Variants in CERS6 observed in about 807,000 individuals in gnomAD.
CERS6 encodes LAG1 homolog, ceramide synthase 6.
A neutral mutation model predicts 56.8 loss-of-function variants in CERS6; 26 were observed. The observed-to-expected ratio is 0.46, with a 90% CI of 0.34 to 0.63. The LOEUF is 0.63. Ranked by LOEUF, CERS6 falls within the 30% of genes least tolerant of loss-of-function variation. The pLI is 0.01. For synonymous variants in CERS6, 164 were observed against 173.3 expected (o/e 0.95, Z 0.42); for missense variants, 415 against 467.5 (o/e 0.89, Z 1.04).
intron 8 of CERS6, among the ~76,000 whole-genome samples, chr2:168,762,869 TC>T (rs908601114): frequency 6.8e-6 from 1 of 147,188 alleles, no homozygotes; most frequent in Non-Finnish European, 1.5e-5. Context: ...TTTTTCATTG[TC>T]CTTTTTCCTT....
intron 1 of CERS6, among the ~76,000 whole-genome samples, chr2:168,463,995 A>G (rs894181357): frequency 2.0e-5 from 3 of 152,222 alleles, no homozygotes; most frequent in African/African-American, 7.2e-5. Flanking sequence ...AACTTATTTC[A>G]GATATTAATA....
chr2:168,670,206 A>AT (rs1300253806), intron 4 of CERS6, among the ~76,000 whole-genome samples: 2 of 152,184 alleles, frequency 1.3e-5, no homozygotes, highest in Non-Finnish European at 1.5e-5. Context: ...AAATCACACT[A>AT]TTTTTTAAGC....
intron 6 of CERS6, among the ~76,000 whole-genome samples, chr2:168,703,612 C>G (rs1033472549): frequency 2.0e-5 from 3 of 152,052 alleles, no homozygotes; most frequent in Non-Finnish European, 4.4e-5. Flanking sequence ...CACATTGCAT[C>G]AGCATATCCT....
rs534134188 is a variant in CERS6, at chr2:168,523,760, C to T, written c.171-23836C>T. Among the ~76,000 whole-genome samples, 12 of 152,252 alleles carry T rather than the reference C, an allele frequency of 7.9e-5. 1 individual carries two copies. In the South Asian group the frequency reaches 2.5e-3, roughly 32 times the overall value. The stretch of plus-strand genomic sequence containing the variant: ...AGATATTATTTGTGATATTCACTGA[C>T]ATTTTCAATAGGTGTAGATGGACAG... On this transcript the variant is annotated intron_variant, in intron 1 of 9. Transcript: ENST00000305747.
intron 4 of CERS6, among the ~76,000 whole-genome samples, chr2:168,686,258 ATC>A (rs368148953): frequency 8.7e-4 from 131 of 150,038 alleles, no homozygotes; most frequent in Middle Eastern, 3.4e-3. Flanking sequence ...AGAGGGAGAA[ATC>A]TCTCTCTTCC....
intron 4 of CERS6, among the ~76,000 whole-genome samples, chr2:168,647,108 T>C (rs372201833): frequency 1.3e-5 from 2 of 152,360 alleles, no homozygotes; most frequent in East Asian, 3.9e-4. Context: ...ATTGAACCGG[T>C]AAATTGATTT....
At chr2:168,656,028 T>C (rs1418680294) in intron 4 of CERS6, among the ~76,000 whole-genome samples, 2 of 152,230 alleles carry the variant, frequency 1.3e-5, no homozygotes, top group East Asian at 3.8e-4. Context: ...TAGTATGCAT[T>C]TTGACCTTCA....
At chr2:168,680,919 C>T (rs987357226) in intron 4 of CERS6, among the ~76,000 whole-genome samples, 1 of 152,178 alleles carries the variant, frequency 6.6e-6, no homozygotes, top group Non-Finnish European at 1.5e-5. Context: ...TGTACTATGT[C>T]CTTAACCACT....
At chr2:168,593,358 C>T (rs1207373296) in intron 3 of CERS6, among the ~76,000 whole-genome samples, 1 of 152,154 alleles carries the variant, frequency 6.6e-6, no homozygotes, top group African/African-American at 2.4e-5. Flanking sequence ...TCATGAGTAC[C>T]TGGTGGGAAT....
chr2:168,594,596 T>C (rs1446869642), intron 3 of CERS6, among the ~76,000 whole-genome samples: 1 of 152,070 alleles, frequency 6.6e-6, no homozygotes, highest in Non-Finnish European at 1.5e-5. Flanking sequence ...AAAAAAATTA[T>C]TCATTTAAAA....
In CERS6 at chr2:168,712,746, A is replaced by C. The variant is rs904117932; in HGVS notation, c.610-2255A>C. Among the ~76,000 whole-genome samples, 4 of 152,070 alleles carry C rather than the reference A, an allele frequency of 2.6e-5. No individual in the cohort carries two copies. The South Asian group carries it at 8.3e-4, about 31-fold the overall frequency. On this transcript the variant is annotated intron_variant, in intron 6 of 9. Transcript: ENST00000305747. ...TGACTCCAGCCACACTCACCTCCTCACTATTCCTTGAACACATCAGGATAG... is the reference window on the plus strand; with the variant it reads ...TGACTCCAGCCACACTCACCTCCTCCCTATTCCTTGAACACATCAGGATAG...
Position 168,562,182 on chromosome 2 carries a change from C to G in CERS6, c.407+860C>G, listed in dbSNP as rs139358715. Among the ~76,000 whole-genome samples the G allele has an allele frequency of 8.8e-3, 1,334 of 152,258 alleles. 24 individuals carry two copies. Among genetic ancestry groups the G allele is most frequent in the African/African-American group, 0.029 (1,211 of 41,528 alleles). The stretch of plus-strand genomic sequence containing the variant: ...GGTGTAACTCTCTTAGTTGCAGGCC[C>G]TTTCTCTTTGGGGTTGGAGCTGCAT... On this transcript the variant is annotated intron_variant, in intron 3 of 9. Transcript: ENST00000305747.
chr2:168,671,081 C>A (rs892170662), intron 4 of CERS6, among the ~76,000 whole-genome samples: 3 of 151,474 alleles, frequency 2.0e-5, no homozygotes, highest in Non-Finnish European at 4.4e-5. Flanking sequence ...CTGCCTCAGC[C>A]TCCCGAGTAG....
At chr2:168,530,191 C>T (rs1019792742) in intron 1 of CERS6, among the ~76,000 whole-genome samples, 4 of 152,176 alleles carry the variant, frequency 2.6e-5, no homozygotes, top group African/African-American at 9.7e-5. Flanking sequence ...ACAGGCTGTG[C>T]TGGAAGCAGC....
chr2:168,508,906 A>G (rs947012794), intron 1 of CERS6, among the ~76,000 whole-genome samples: 11 of 152,292 alleles, frequency 7.2e-5, no homozygotes, highest in African/African-American at 2.6e-4. Context: ...CTGAAGTCAG[A>G]TTACTGTTAA....
intron 1 of CERS6, among the ~76,000 whole-genome samples, chr2:168,511,697 A>G (rs1694790045): frequency 6.6e-6 from 1 of 152,166 alleles, no homozygotes; most frequent in East Asian, 1.9e-4. Flanking sequence ...GAACTTCTCA[A>G]TTAATCCTGT....
chr2:168,570,984 A>G (rs1695975185), intron 3 of CERS6, among the ~76,000 whole-genome samples: 3 of 152,208 alleles, frequency 2.0e-5, no homozygotes, highest in Non-Finnish European at 4.4e-5. Context: ...TTAATATCTT[A>G]CAGGGAGCCA....
chr2:168,649,424 T>C (rs760021373), intron 4 of CERS6, among the ~76,000 whole-genome samples: 14 of 152,266 alleles, frequency 9.2e-5, no homozygotes, highest in Middle Eastern at 3.4e-3. Context: ...TTCCATGATA[T>C]TGTATTACGT....
intron 4 of CERS6, among the ~76,000 whole-genome samples, chr2:168,684,524 AT>A (rs1451221988): frequency 6.6e-6 from 1 of 152,218 alleles, no homozygotes; most frequent in African/African-American, 2.4e-5. Flanking sequence ...TCTCAAATTG[AT>A]TTGATTTATA....
Sources: gnomAD v4.1 joint callset for allele counts (sites outside exome capture counted in the v4.1 genomes callset) on GRCh38, gnomAD v4.1.1 for gene constraint, MANE v1.5 for transcripts, NCBI Gene and HGNC (gene_info 2026-07-23, HGNC 2026-07-21) for gene names.